Variants in TMEM30A observed in about 807,000 individuals in gnomAD.
TMEM30A encodes the protein cell division cycle 50 P4-ATPase accessory subunit A.
Under a neutral mutation model 38.2 loss-of-function variants are expected in TMEM30A, and 24 were observed. That is an observed-to-expected ratio of 0.63 (90% CI 0.46 to 0.88). The LOEUF is 0.88. Among genes scored for constraint, TMEM30A ranks in the 40% least tolerant of loss-of-function variants. The probability of loss-of-function intolerance (pLI) is 0.00; values close to 1 mark genes in which losing one functional copy is unlikely to be tolerated. For missense variants in TMEM30A, 370 were observed against 458.6 expected, an observed-to-expected ratio of 0.81 and a Z score of 1.77; for synonymous variants, 145 against 161.6, an observed-to-expected ratio of 0.90 and a Z score of 0.78.
chr6:75,259,268 G>A (rs1305441776), intron 5 of TMEM30A, 79 bp downstream of exon 5: 4 of 1,454,928 alleles, frequency 2.7e-6, no homozygotes, highest in Non-Finnish European at 3.7e-6. Context: ...ATAACTTTAA[G>A]ATTCTGAAGA....
chr6:75,275,924 G>A, intron 1 of TMEM30A, among the ~76,000 whole-genome samples: 1 of 152,132 alleles, frequency 6.6e-6, no homozygotes, highest in Middle Eastern at 3.2e-3. Context: ...GATGGAAGCT[G>A]GTCACTAGAA....
rs1304498082 is a variant in TMEM30A at position 75,254,604 on chromosome 6, TA to T, written c.*1497del. 6.6e-6 allele frequency: 1 copy of T among 152,016 alleles called. No individual in the cohort carries two copies. The highest frequency in any genetic ancestry group is 2.4e-5 in the African/African-American group (1 of 41,410). The allele number at this position is 152,016 out of a possible 1,614,324, so 9.4% of individuals were successfully genotyped here. On this transcript the variant is annotated 3_prime_UTR_variant, in exon 7 of 7. Coordinates refer to ENST00000230461, the MANE Select transcript of TMEM30A (RefSeq NM_018247.4). ...AACCATTACATTGTTTTTTGTTTTTTAAAAAAAGTATATATTAATCAAAAGT... is the reference window on the plus strand; with the variant it reads ...AACCATTACATTGTTTTTTGTTTTTTAAAAAAGTATATATTAATCAAAAGT...
intron 4 of TMEM30A, among the ~76,000 whole-genome samples, chr6:75,259,760 C>G (rs1771932631): frequency 1.3e-5 from 2 of 152,136 alleles, no homozygotes; most frequent in Admixed American, 1.3e-4. Context: ...TAATATTAAC[C>G]CAACTATAAT....
chr6:75,276,591 G>A (rs1489745834), intron 1 of TMEM30A, among the ~76,000 whole-genome samples: 1 of 152,008 alleles, frequency 6.6e-6, no homozygotes, highest in East Asian at 1.9e-4. Context: ...TGAGTGGTGT[G>A]CGAGACTAGG....
chr6:75,269,388 T>C (rs1297714654), intron 1 of TMEM30A, among the ~76,000 whole-genome samples: 1 of 152,226 alleles, frequency 6.6e-6, no homozygotes, highest in Admixed American at 6.5e-5. Flanking sequence ...ATATATGAAA[T>C]CATACCATAT....
rs1582271761 is a variant in TMEM30A, at chr6:75,254,783, T to G, written c.*1319A>C. On this transcript the variant is annotated 3_prime_UTR_variant, in exon 7 of 7. Coordinates refer to ENST00000230461, the MANE Select transcript of TMEM30A (RefSeq NM_018247.4). ...ATGTAATTAAGCCACCTCTGATTAA[T>G]ACATATTTTCATGCATGTGGAAAAA... 6.6e-6 allele frequency: 1 copy of G among 152,540 alleles called. No individual in the cohort carries two copies. Among genetic ancestry groups the G allele is most frequent in the Admixed American group, 6.6e-5 (1 of 15,256 alleles). The allele number at this position is 152,540 out of a possible 1,614,324, so 9.4% of individuals were successfully genotyped here.
intron 3 of TMEM30A, among the ~76,000 whole-genome samples, chr6:75,262,948 C>T (rs892274692): frequency 6.6e-6 from 1 of 152,244 alleles, no homozygotes; most frequent in African/African-American, 2.4e-5. Flanking sequence ...TGCTCCCTGC[C>T]TTCATGAGCT....
At position 75,284,382 on chromosome 6, in the gene TMEM30A, C is replaced by A. The variant is rs1206296070; in HGVS notation, c.237+20G>T. 2 of 1,611,968 alleles carry A rather than the reference C, an allele frequency of 1.2e-6. No individual in the cohort carries two copies. The highest frequency in any genetic ancestry group is 2.7e-5 in the African/African-American group (2 of 74,860). ...TCCTCCCGAGCAACGCCAACTCCCA[C>A]CACAGCTCCCTCCCCTCACCTCGAT... On this transcript the variant is annotated intron_variant, in intron 1 of 6. Transcript: ENST00000230461.
At chr6:75,270,838 G>C (rs182799389) in intron 1 of TMEM30A, among the ~76,000 whole-genome samples, 29 of 152,288 alleles carry the variant, frequency 1.9e-4, no homozygotes, top group African/African-American at 5.5e-4. Flanking sequence ...TTTGTTTACT[G>C]ATGAAATTGT....
chr6:75,284,398 T>G lies in TMEM30A; in HGVS notation c.237+4A>C, dbSNP rs539871386. On this transcript the variant is annotated splice_donor_region_variant and intron_variant, in intron 1 of 6. Transcript: ENST00000230461. The stretch of plus-strand genomic sequence containing the variant: ...CAACTCCCACCACAGCTCCCTCCCC[T>G]CACCTCGATCTCGCGGATGTTGTTG... 8 of 1,613,776 alleles carry G rather than the reference T, an allele frequency of 5.0e-6. No homozygotes were observed. In the South Asian group the frequency reaches 8.8e-5, roughly 18 times the overall value.
intron 2 of TMEM30A, 32 bp downstream of exon 2, chr6:75,267,609 G>A (rs775772182): frequency 8.7e-6 from 13 of 1,494,756 alleles, no homozygotes; most frequent in Admixed American, 7.1e-5. Context: ...TTAAAGCATG[G>A]CTTTTCTAGC....
At chr6:75,269,973 A>G (rs1313166847) in intron 1 of TMEM30A, among the ~76,000 whole-genome samples, 1 of 151,866 alleles carries the variant, frequency 6.6e-6, no homozygotes, top group Non-Finnish European at 1.5e-5. Flanking sequence ...GATTACAGGC[A>G]TGAGCCACCG....
Position 75,267,650 on chromosome 6 carries a change from C to G in TMEM30A, c.336G>C (p.Lys112Asn). Residue 112 changes from lysine (K) to asparagine (N), a missense_variant, in exon 2 of 7, where the codon AAG (lysine) becomes AAC (asparagine). Lys to Asn is a moderately conservative substitution (Grantham distance 94). Coordinates refer to ENST00000230461, the MANE Select transcript of TMEM30A (RefSeq NM_018247.4). The stretch of plus-strand genomic sequence containing the variant: ...ACTTGGAAACACAGACCTCAAATGA[C>G]TTTTCCAGTGTGAAGTTAATGGTAC... ...CFCTINFTLE[K>N]SFEGNVFMYY... The G allele has an allele frequency of 6.2e-7, 1 of 1,608,444 alleles. No individual in the cohort carries two copies. The highest frequency in any genetic ancestry group is 1.1e-5 in the South Asian group (1 of 90,022).
chr6:75,266,885 G>A (rs903215594), intron 2 of TMEM30A, among the ~76,000 whole-genome samples: 5 of 152,088 alleles, frequency 3.3e-5, no homozygotes, highest in African/African-American at 1.2e-4. Flanking sequence ...TGTCCTTTAT[G>A]TCAGTGCAAG....
At chr6:75,256,859 T>G in intron 6 of TMEM30A, 1 of 441,356 alleles carries the variant, frequency 2.3e-6, no homozygotes, top group Non-Finnish European at 4.5e-6. Flanking sequence ...ACAGTGGCAG[T>G]GAAGGGTGGG....
chr6:75,270,420 C>G (rs1772145747), intron 1 of TMEM30A, among the ~76,000 whole-genome samples: 1 of 152,050 alleles, frequency 6.6e-6, no homozygotes, highest in South Asian at 2.1e-4. Flanking sequence ...GGAGAAGGGG[C>G]CTTTGGGAGG....
At position 75,256,109 on chromosome 6, in the gene TMEM30A, G is replaced by C. The variant is rs758427537; in HGVS notation, c.1079C>G (p.Thr360Ser). 44 of 1,598,622 alleles carry C rather than the reference G, an allele frequency of 2.8e-5. No individual in the cohort carries two copies. The highest frequency in any genetic ancestry group is 2.0e-4 in the East Asian group (9 of 44,604). ...TGCTTTCATAATATAAAATTAAATG[G>C]TAATGTCAGCTGTATTACTACTGTT... ...YRNSSNTADI[T>S]I is the part of the protein sequence containing the mutation. Residue 360 changes from threonine to serine, a missense_variant, in exon 7 of 7, where the codon ACC becomes AGC. Physicochemically the swap from Thr to Ser is moderately conservative, Grantham distance 58. Coordinates refer to ENST00000230461, the MANE Select transcript of TMEM30A (RefSeq NM_018247.4).
chr6:75,279,697 A>C (rs1339520543), intron 1 of TMEM30A, among the ~76,000 whole-genome samples: 1 of 152,188 alleles, frequency 6.6e-6, no homozygotes, highest in African/African-American at 2.4e-5. Flanking sequence ...TGTTCACCTA[A>C]GTCAAACTGG....
chr6:75,268,634 T>C (rs1398359600), intron 1 of TMEM30A, among the ~76,000 whole-genome samples: 4 of 152,178 alleles, frequency 2.6e-5, no homozygotes, highest in Non-Finnish European at 4.4e-5. Context: ...ATATGTGTCT[T>C]CTAGGACCCC....
Sources: gnomAD v4.1 joint callset for allele counts (sites outside exome capture counted in the v4.1 genomes callset) on GRCh38, gnomAD v4.1.1 for gene constraint, MANE v1.5 for transcripts, NCBI Gene and HGNC (gene_info 2026-07-23, HGNC 2026-07-21) for gene names.